Variants in DYSF observed in about 807,000 individuals in gnomAD.
DYSF encodes dysferlin.
In DYSF, 212 loss-of-function variants were observed where a neutral mutation model predicts 274.9. The observed-to-expected ratio is 0.77, with a 90% CI of 0.69 to 0.86. The LOEUF (loss-of-function observed/expected upper bound fraction) is 0.86, where lower values mean the gene tolerates loss of function less well. Among genes scored for constraint, DYSF ranks in the 40% least tolerant of loss-of-function variants. The pLI is 0.00. For missense variants in DYSF, 2,666 were observed against 2,783.2 expected, an observed-to-expected ratio of 0.96 and a Z score of 0.95; for synonymous variants, 1,091 against 1,078.7, an observed-to-expected ratio of 1.01 and a Z score of -0.22.
intron 30 of DYSF, among the ~76,000 whole-genome samples, chr2:71,574,855 C>T (rs993435061): frequency 2.0e-5 from 3 of 152,154 alleles, no homozygotes; most frequent in African/African-American, 7.2e-5. Flanking sequence ...CTTTCCTGCC[C>T]AGGGTGCGCT....
intron 4 of DYSF, among the ~76,000 whole-genome samples, chr2:71,508,811 C>T (rs2085770936): frequency 6.6e-6 from 1 of 152,196 alleles, no homozygotes; most frequent in African/African-American, 2.4e-5. Context: ...TCTTTGTCAT[C>T]TAACCTTTAC....
At chr2:71,628,070 G>T (rs1384350575) in intron 41 of DYSF, among the ~76,000 whole-genome samples, 3 of 151,926 alleles carry the variant, frequency 2.0e-5, no homozygotes, top group Non-Finnish European at 4.4e-5. Flanking sequence ...ATTTGTTTCT[G>T]CCATCTTATT....
chr2:71,660,673 C>G, intron 45 of DYSF, 22 bp downstream of exon 45: 1 of 1,605,072 alleles, frequency 6.2e-7, no homozygotes, highest in South Asian at 1.1e-5. Flanking sequence ...CATCTTGGGT[C>G]TTGGGGTGGA....
chr2:71,641,718 C>T (rs2094489127), intron 41 of DYSF, among the ~76,000 whole-genome samples: 1 of 152,082 alleles, frequency 6.6e-6, no homozygotes, highest in South Asian at 2.1e-4. Context: ...TTGGTATTTC[C>T]TAAGTATCCG....
chr2:71,601,618 A>G (rs939279321), intron 35 of DYSF, 90 bp downstream of exon 35: 1 of 1,557,554 alleles, frequency 6.4e-7, no homozygotes, highest in Non-Finnish European at 8.9e-7. Flanking sequence ...GTGGCCAGGC[A>G]TTACCGCGAT....
intron 41 of DYSF, among the ~76,000 whole-genome samples, chr2:71,623,894 C>T (rs1436607995): frequency 6.6e-6 from 1 of 151,762 alleles, no homozygotes; most frequent in Non-Finnish European, 1.5e-5. Context: ...CATAGTGAAA[C>T]CCTGTCTCTA....
intron 20 of DYSF, among the ~76,000 whole-genome samples, chr2:71,553,515 T>G (rs974956268): frequency 6.6e-6 from 1 of 152,276 alleles, no homozygotes; most frequent in East Asian, 1.9e-4. Flanking sequence ...ATCTCCTCAG[T>G]TTTGACATGC....
chr2:71,588,340 G>A (rs1341223985), intron 30 of DYSF, among the ~76,000 whole-genome samples: 1 of 152,194 alleles, frequency 6.6e-6, no homozygotes, highest in Non-Finnish European at 1.5e-5. Flanking sequence ...GCTGGCCAGA[G>A]GTGGGAGAAC....
chr2:71,475,803 C>A (rs1232680305), intron 1 of DYSF, among the ~76,000 whole-genome samples: 1 of 152,176 alleles, frequency 6.6e-6, no homozygotes, highest in Non-Finnish European at 1.5e-5. Flanking sequence ...GGGTCTTGCT[C>A]TGTTGCCCAG....
intron 1 of DYSF, among the ~76,000 whole-genome samples, chr2:71,454,429 A>G (rs1192507730): frequency 1.3e-5 from 2 of 152,146 alleles, no homozygotes; most frequent in African/African-American, 4.8e-5. Flanking sequence ...GCTGTACTGC[A>G]GGGCTCTCCT....
At chr2:71,566,184 G>T (rs2092090647) in intron 24 of DYSF, among the ~76,000 whole-genome samples, 1 of 151,258 alleles carries the variant, frequency 6.6e-6, no homozygotes, top group Non-Finnish European at 1.5e-5. Flanking sequence ...GGCCATATCT[G>T]AGTGGGGCTG....
At chr2:71,489,507 C>T (rs750577576) in intron 3 of DYSF, among the ~76,000 whole-genome samples, 7 of 152,202 alleles carry the variant, frequency 4.6e-5, no homozygotes, top group Non-Finnish European at 8.8e-5. Flanking sequence ...CTGAGCCTGG[C>T]CTTGGTGCCA....
intron 4 of DYSF, among the ~76,000 whole-genome samples, chr2:71,505,495 G>C (rs1168178507): frequency 6.6e-6 from 1 of 152,226 alleles, no homozygotes; most frequent in Non-Finnish European, 1.5e-5. Flanking sequence ...CTGGCAGACT[G>C]AGAGGCGTGG....
chr2:71,546,718 A>T (rs1362865055), intron 17 of DYSF, among the ~76,000 whole-genome samples: 1 of 152,250 alleles, frequency 6.6e-6, no homozygotes, highest in African/African-American at 2.4e-5. Context: ...TAAGAAATCC[A>T]AAGTTAGTCT....
At chr2:71,650,247 G>A (rs1305829620) in intron 42 of DYSF, among the ~76,000 whole-genome samples, 2 of 152,248 alleles carry the variant, frequency 1.3e-5, no homozygotes, top group South Asian at 4.1e-4. Context: ...TTGGGAGGCC[G>A]AAGCAGGCAG....
At chr2:71,622,083 G>T in intron 41 of DYSF, among the ~76,000 whole-genome samples, 1 of 142,894 alleles carries the variant, frequency 7.0e-6, no homozygotes, top group Non-Finnish European at 1.5e-5. Context: ...TCCCTTAAAG[G>T]ACTTATTTTA....
chr2:71,628,654 G>A (rs944212260), intron 41 of DYSF, among the ~76,000 whole-genome samples: 10 of 152,104 alleles, frequency 6.6e-5, no homozygotes, highest in Non-Finnish European at 1.2e-4. Context: ...TTATTTTAAA[G>A]TTAAGTTTAG....
At chr2:71,503,059 TG>T (rs2085147573) in intron 3 of DYSF, among the ~76,000 whole-genome samples, 154 bp from the exon 4 acceptor site, 1 of 151,960 alleles carries the variant, frequency 6.6e-6, no homozygotes, top group African/African-American at 2.4e-5. Context: ...TGGTGGTGAC[TG>T]GGTGTGGGGG....
intron 3 of DYSF, among the ~76,000 whole-genome samples, chr2:71,495,424 T>C (rs554384542): frequency 3.3e-5 from 5 of 152,284 alleles, no homozygotes; most frequent in Admixed American, 3.3e-4. Flanking sequence ...TTTTGGAAGA[T>C]AGTTGAGAGA....
Sources: allele counts gnomAD v4.1 joint callset (sites outside exome capture counted in the v4.1 genomes callset), GRCh38; gene constraint gnomAD v4.1.1; transcripts MANE v1.5; gene names NCBI Gene and HGNC (gene_info 2026-07-23, HGNC 2026-07-21).